Variants in SBK1 observed in about 807,000 individuals in gnomAD.
The protein encoded by SBK1 is serine/threonine-protein kinase SBK1.
A neutral mutation model predicts 24.4 loss-of-function variants in SBK1; 11 were observed. That is an observed-to-expected ratio of 0.45 (90% CI 0.28 to 0.75). The LOEUF (loss-of-function observed/expected upper bound fraction) is 0.75, where lower values mean the gene tolerates loss of function less well. Among genes scored for constraint, SBK1 ranks in the 30% least tolerant of loss-of-function variants. The pLI, the probability that SBK1 is intolerant of heterozygous loss-of-function variation, is 0.12. For missense variants in SBK1, 467 were observed against 620.5 expected (o/e 0.75, Z 2.63); for synonymous variants, 308 against 284.4 (o/e 1.08, Z -0.83).
At position 28,320,373 on chromosome 16, in the gene SBK1, ATCT is replaced by A. The variant is rs1567681520; in HGVS notation, c.731_733del (p.Phe244del). On this transcript the variant is annotated inframe_deletion, in exon 4 of 4. Transcript: ENST00000341901. The surrounding 1 kb of genome is among the most constrained non-coding windows in gnomAD (Gnocchi z 8.5). ...GGACGTGTGGGCCTTCGGCGTGCTC[ATCT>A]TCTGCGTGCTCACCGGCAACTTCCC... 2 of 1,592,578 alleles carry A rather than the reference ATCT, an allele frequency of 1.3e-6. No homozygotes were observed. Among genetic ancestry groups the A allele is most frequent in the African/African-American group, 2.7e-5 (2 of 74,506 alleles).
intron 1 of SBK1, among the ~76,000 whole-genome samples, chr16:28,275,630 A>G (rs2044490553): frequency 6.6e-6 from 1 of 152,116 alleles, no homozygotes; most frequent in South Asian, 2.1e-4. Flanking sequence ...CTGTAATTCC[A>G]GCACTTTGAG....
At chr16:28,261,226 G>A (rs185979319) in intron 1 of SBK1, among the ~76,000 whole-genome samples, 5 of 152,156 alleles carry the variant, frequency 3.3e-5, no homozygotes, top group South Asian at 2.1e-4. Context: ...ATAGAACCCC[G>A]TGTTCATAGT....
chr16:28,284,200 G>A (rs1370745189), intron 1 of SBK1, among the ~76,000 whole-genome samples: 1 of 152,220 alleles, frequency 6.6e-6, no homozygotes, highest in African/African-American at 2.4e-5. Flanking sequence ...TAGAATCCTT[G>A]TCTCAGGGTC....
intron 1 of SBK1, among the ~76,000 whole-genome samples, chr16:28,314,960 CAA>C (rs1316081205): frequency 3.3e-5 from 5 of 151,822 alleles, no homozygotes; most frequent in African/African-American, 9.7e-5. Flanking sequence ...GCCCAGGTGA[CAA>C]GAGAGAAACT....
chr16:28,311,313 G>A (rs566875987), intron 1 of SBK1, among the ~76,000 whole-genome samples: 8 of 152,172 alleles, frequency 5.3e-5, no homozygotes, highest in South Asian at 2.1e-4. Flanking sequence ...GAGTCAGCAC[G>A]TGTGAGGGCA....
intron 1 of SBK1, among the ~76,000 whole-genome samples, chr16:28,308,779 GTT>G (rs1491172080): frequency 0.018 from 2,471 of 139,956 alleles, 54 homozygotes; most frequent in African/African-American, 0.058. Flanking sequence ...GTGTGTGTGT[GTT>G]TGTTTTGTTT....
At chr16:28,277,786 C>T (rs547244543) in intron 1 of SBK1, among the ~76,000 whole-genome samples, 2 of 152,194 alleles carry the variant, frequency 1.3e-5, no homozygotes, top group East Asian at 3.9e-4. Context: ...GTCTTGCCCT[C>T]GAGAACCAGA....
intron 1 of SBK1, among the ~76,000 whole-genome samples, chr16:28,272,196 A>C (rs1367519720): frequency 1.3e-5 from 2 of 152,126 alleles, no homozygotes; most frequent in African/African-American, 4.8e-5. Flanking sequence ...CAGCCTCCAG[A>C]GTAGCTGGGA....
At chr16:28,289,002 G>T (rs2141572903), upstream of SBK1, among the ~76,000 whole-genome samples, 2 of 152,278 alleles carry the variant, frequency 1.3e-5, 1 homozygote, top group South Asian at 4.1e-4. Context: ...GGTAATCAAA[G>T]CCCCAGATAA....
chr16:28,314,622 GTTC>G (rs1435836217), intron 1 of SBK1, among the ~76,000 whole-genome samples: 6 of 152,172 alleles, frequency 3.9e-5, no homozygotes, highest in African/African-American at 1.2e-4. Context: ...TGTGGTCATT[GTTC>G]TTCAGGGTGC....
intron 1 of SBK1, among the ~76,000 whole-genome samples, chr16:28,315,505 AGT>A (rs2044788487): frequency 6.6e-6 from 1 of 152,214 alleles, no homozygotes; most frequent in Admixed American, 6.5e-5. Flanking sequence ...CTCACGCTGT[AGT>A]CCCAGCACTT....
intron 1 of SBK1, among the ~76,000 whole-genome samples, chr16:28,280,230 T>C (rs996218661): frequency 1.4e-5 from 2 of 139,614 alleles, no homozygotes; most frequent in Non-Finnish European, 3.1e-5. Flanking sequence ...CATATACATA[T>C]ATACATATAT....
chr16:28,288,940 G>T (rs532292906), upstream of SBK1, among the ~76,000 whole-genome samples: 1 of 152,270 alleles, frequency 6.6e-6, no homozygotes, highest in African/African-American at 2.4e-5. Flanking sequence ...GTCGGGAGGG[G>T]GACTTAATTA....
intron 1 of SBK1, among the ~76,000 whole-genome samples, chr16:28,305,566 C>G (rs572572432): frequency 2.0e-5 from 3 of 148,140 alleles, no homozygotes; most frequent in African/African-American, 7.5e-5. Flanking sequence ...GAGACTTTCT[C>G]TGTCGTCCAG....
Position 28,321,182 on chromosome 16 carries a change from AACACACACACACACACACACACACACAC to A in SBK1, c.*290_*317del, listed in dbSNP as rs55860114. On this transcript the variant is annotated 3_prime_UTR_variant, in exon 4 of 4. Transcript: ENST00000341901. ...CCCGAGAATTCGGAGGCCACCACAC[AACACACACACACACACACACACACACAC>A]ACACACACACACACACACACACACA... 7.3e-5 allele frequency: 14 copies of A among 192,100 alleles called. No individual in the cohort carries two copies. The highest frequency in any genetic ancestry group is 2.5e-4 in the African/African-American group (8 of 32,542). 11.9% of individuals were successfully genotyped at this position (192,100 alleles called of 1,614,324 possible). A position where few individuals can be genotyped will look rare whatever the true frequency, so the allele number is the denominator to read the frequency against.
chr16:28,308,277 A>C (rs768835122), intron 1 of SBK1, among the ~76,000 whole-genome samples: 1 of 151,814 alleles, frequency 6.6e-6, no homozygotes, highest in Non-Finnish European at 1.5e-5. Context: ...CAGCCCTCTA[A>C]ATATCTAGGA....
intron 1 of SBK1, among the ~76,000 whole-genome samples, chr16:28,310,515 A>G (rs893641771): frequency 1.3e-5 from 2 of 152,162 alleles, no homozygotes; most frequent in Admixed American, 1.3e-4. Flanking sequence ...GCCAATACCA[A>G]TGCTAGCTGT....
intron 1 of SBK1, among the ~76,000 whole-genome samples, chr16:28,267,864 G>T (rs539722164): frequency 1.3e-5 from 2 of 152,212 alleles, no homozygotes; most frequent in Non-Finnish European, 1.5e-5. Context: ...AAATGTCCTT[G>T]CGGCCAGGCG....
In SBK1 at chr16:28,320,979, C is replaced by A; in HGVS notation, c.*58C>A. 7.6e-7 allele frequency: 1 copy of A among 1,318,720 alleles called. No individual in the cohort carries two copies. Among genetic ancestry groups the A allele is most frequent in the African/African-American group, 1.6e-5 (1 of 62,828 alleles). The allele number at this position is 1,318,720 out of a possible 1,614,324, so 81.7% of individuals were successfully genotyped here. ...CCCGGGCCCGCCCCGAGCCGGTGCC[C>A]GGTGCGGCGGTAGGGAATGGAGCCA... On this transcript the variant is annotated 3_prime_UTR_variant, in exon 4 of 4. Coordinates refer to ENST00000341901, the MANE Select transcript of SBK1 (RefSeq NM_001024401.3). This position sits in a 1 kb window ranked among gnomAD's most constrained non-coding sequence, Gnocchi z 8.5.
Sources: gnomAD v4.1 joint callset for allele counts (sites outside exome capture counted in the v4.1 genomes callset) on GRCh38, gnomAD v4.1.1 for gene constraint, Gnocchi (gnomAD v3.1) non-coding constraint, MANE v1.5 for transcripts, NCBI Gene and HGNC (gene_info 2026-07-23, HGNC 2026-07-21) for gene names.